The following SLC22A15 variants were observed in gnomAD, a reference collection of about 807,000 sequenced individuals.
The protein encoded by SLC22A15 is solute carrier family 22 member 15, also known as flipt 1.
In SLC22A15, 45 loss-of-function variants were observed where a neutral mutation model predicts 62.7. That is an observed-to-expected ratio of 0.72 (90% confidence interval 0.56 to 0.92). The LOEUF (loss-of-function observed/expected upper bound fraction) is 0.92, where lower values mean the gene tolerates loss of function less well. Among genes scored for constraint, SLC22A15 ranks in the 40% least tolerant of loss-of-function variants. The pLI is 0.00. For missense variants in SLC22A15, 622 were observed against 665.6 expected (o/e 0.93, Z 0.72); for synonymous variants, 264 against 267.0 (o/e 0.99, Z 0.11).
chr1:116,009,337 C>T (rs866830114), intron 2 of SLC22A15, among the ~76,000 whole-genome samples: 16 of 142,662 alleles, frequency 1.1e-4, no homozygotes, highest in East Asian at 1.9e-4. Context: ...TGTTAGTTCA[C>T]GCACTGTACT....
chr1:116,031,733 C>A, intron 6 of SLC22A15, 152 bp downstream of exon 6: 2 of 1,445,458 alleles, frequency 1.4e-6, no homozygotes, highest in Non-Finnish European at 1.8e-6. Context: ...ATCCTTAGCG[C>A]CTGGTTTTCT....
intron 1 of SLC22A15, among the ~76,000 whole-genome samples, chr1:115,987,880 CT>C (rs1283539949): frequency 6.6e-6 from 1 of 152,044 alleles, no homozygotes; most frequent in East Asian, 1.9e-4. Flanking sequence ...ATTTTTCCTA[CT>C]TAAAAAAATA....
chr1:116,060,995 G>A (rs900921675), intron 8 of SLC22A15, among the ~76,000 whole-genome samples: 2 of 152,064 alleles, frequency 1.3e-5, no homozygotes, highest in Non-Finnish European at 2.9e-5. Flanking sequence ...TTATTTTTTG[G>A]ACTGGGGCAT....
chr1:116,056,635 A>T, intron 8 of SLC22A15, among the ~76,000 whole-genome samples: 2 of 151,728 alleles, frequency 1.3e-5, no homozygotes, highest in Non-Finnish European at 3.0e-5. Context: ...TGGAGGCATC[A>T]CGCTACCTGA....
At chr1:116,053,479 T>C (rs1379166008) in intron 8 of SLC22A15, among the ~76,000 whole-genome samples, 1 of 152,240 alleles carries the variant, frequency 6.6e-6, no homozygotes, top group African/African-American at 2.4e-5. Flanking sequence ...GAAAACACTC[T>C]GCAGGATATT....
chr1:116,065,293 A>G (rs1184600150), intron 10 of SLC22A15, among the ~76,000 whole-genome samples: 1 of 152,156 alleles, frequency 6.6e-6, no homozygotes, highest in East Asian at 1.9e-4. Flanking sequence ...TCTGAGGTGC[A>G]GTACATTTCC....
chr1:116,031,454 C>G lies in SLC22A15; in HGVS notation c.817C>G (p.Arg273Gly). 1.2e-6 allele frequency: 2 copies of G among 1,613,940 alleles called. No homozygotes were observed. Among genetic ancestry groups the G allele is most frequent in the East Asian group, 2.2e-5 (1 of 44,886 alleles). Residue 273 changes from arginine (R) to glycine (G), a missense_variant, in exon 6 of 12, where the codon CGC becomes GGC. Transcript: ENST00000369503. ...EALYLIAKRN[R>G]KLKCTFSLTH... ...GCTGTACCTCATTGCCAAGAGGAAC[C>G]GCAAACTCAAGTGCACGTTCTCACT...
At chr1:116,051,802 G>C (rs571077886) in intron 8 of SLC22A15, among the ~76,000 whole-genome samples, 2 of 152,316 alleles carry the variant, frequency 1.3e-5, no homozygotes, top group Non-Finnish European at 1.5e-5. Context: ...CCTCTTCACA[G>C]ACTGCAGAAA....
At chr1:116,046,694 G>T (rs1407909533) in intron 8 of SLC22A15, among the ~76,000 whole-genome samples, 1 of 152,196 alleles carries the variant, frequency 6.6e-6, no homozygotes, top group Non-Finnish European at 1.5e-5. Context: ...GACTGCTCCT[G>T]CAGGACCCGG....
At chr1:116,064,017 TAGG>T (rs1277843700) in intron 9 of SLC22A15, among the ~76,000 whole-genome samples, 1 of 152,192 alleles carries the variant, frequency 6.6e-6, no homozygotes, top group African/African-American at 2.4e-5. Flanking sequence ...TGGCAGTCTG[TAGG>T]AGATCTAAGG....
chr1:116,047,644 G>A (rs1394663085), intron 8 of SLC22A15, among the ~76,000 whole-genome samples: 1 of 152,154 alleles, frequency 6.6e-6, no homozygotes, highest in East Asian at 1.9e-4. Context: ...AATCACTGCA[G>A]TTTGGTTCAC....
chr1:116,067,153 C>T lies in SLC22A15; in HGVS notation c.*45C>T. On this transcript the variant is annotated 3_prime_UTR_variant, in exon 12 of 12. Coordinates refer to ENST00000369503, the MANE Select transcript of SLC22A15 (RefSeq NM_018420.3). ...AAGAAGCAAAGGATCGTCTTTTATG[C>T]CTCTGGCTAAGGCAGGTTCTTCCAT... 6.8e-7 allele frequency: 1 copy of T among 1,481,184 alleles called. No individual in the cohort carries two copies. The highest frequency in any genetic ancestry group is 1.2e-5 in the South Asian group (1 of 84,340). The allele number at this position is 1,481,184 out of a possible 1,614,324, so 91.8% of individuals were successfully genotyped here.
At chr1:116,053,175 AT>A (rs1658108483) in intron 8 of SLC22A15, among the ~76,000 whole-genome samples, 1 of 152,210 alleles carries the variant, frequency 6.6e-6, no homozygotes, top group Non-Finnish European at 1.5e-5. Flanking sequence ...AGACGAATTT[AT>A]AACTAGAATA....
chr1:116,034,641 A>T (rs949826553), intron 6 of SLC22A15, among the ~76,000 whole-genome samples: 2 of 152,150 alleles, frequency 1.3e-5, no homozygotes, highest in Non-Finnish European at 2.9e-5. Context: ...GATGGGGTTA[A>T]AACCTGCAAT....
At chr1:115,995,633 C>T (rs538638316) in intron 2 of SLC22A15, among the ~76,000 whole-genome samples, 1 of 152,314 alleles carries the variant, frequency 6.6e-6, no homozygotes, top group South Asian at 2.1e-4. Flanking sequence ...AGCCCTTTCT[C>T]TCCCTTGTCT....
chr1:115,995,935 A>G (rs1008427423), intron 2 of SLC22A15, among the ~76,000 whole-genome samples: 2 of 152,224 alleles, frequency 1.3e-5, no homozygotes, highest in Non-Finnish European at 2.9e-5. Flanking sequence ...GGGGAAAACC[A>G]TAGTATAATA....
intron 1 of SLC22A15, among the ~76,000 whole-genome samples, chr1:115,979,124 T>TA (rs1654470508): frequency 6.6e-6 from 1 of 152,204 alleles, no homozygotes; most frequent in African/African-American, 2.4e-5. Context: ...TTATTATTTT[T>TA]AAAAATGATT....
In SLC22A15 at chr1:116,026,951, C is replaced by T. The variant is rs780697420; in HGVS notation, c.657C>T (p.Tyr219=). ...TTGCCCAATATGCCCTGTTAGGATA[C>T]TTCATCCGCTCCTGGAGGACCCTAG... ...VGIAQYALLG[Y]FIRSWRTLAI... Residue 219 remains tyrosine, a synonymous_variant, in exon 5 of 12, where the codon TAC becomes TAT. Transcript: ENST00000369503. 2 of 1,613,830 alleles carry T rather than the reference C, an allele frequency of 1.2e-6. No homozygotes were observed. The highest frequency in any genetic ancestry group is 2.2e-5 in the South Asian group (2 of 91,082).
intron 2 of SLC22A15, among the ~76,000 whole-genome samples, chr1:116,003,948 C>T (rs1655855324): frequency 6.6e-6 from 1 of 152,156 alleles, no homozygotes; most frequent in South Asian, 2.1e-4. Context: ...GAGTTCCTTC[C>T]TCAGGAAACT....
Sources: allele counts gnomAD v4.1 joint callset (sites outside exome capture counted in the v4.1 genomes callset), GRCh38; gene constraint gnomAD v4.1.1; transcripts MANE v1.5; gene names NCBI Gene and HGNC (gene_info 2026-07-23, HGNC 2026-07-21).